Variants in ACSBG1 observed in about 807,000 individuals in gnomAD.
ACSBG1 encodes the protein long-chain-fatty-acid--CoA ligase ACSBG1.
In ACSBG1, 39 loss-of-function variants were observed where a neutral mutation model predicts 80.2. That is an observed-to-expected ratio of 0.49 (90% CI 0.38 to 0.64). ACSBG1 has a LOEUF of 0.64. ACSBG1 is among the 30% of genes least tolerant of loss of function. The pLI is 0.00. For synonymous variants in ACSBG1, 392 were observed against 379.5 expected, an observed-to-expected ratio of 1.03 and a Z score of -0.38; for missense variants, 828 against 966.4, an observed-to-expected ratio of 0.86 and a Z score of 1.90.
intron 1 of ACSBG1, among the ~76,000 whole-genome samples, chr15:78,214,083 C>T (rs1202119617): frequency 6.6e-6 from 1 of 152,218 alleles, no homozygotes; most frequent in South Asian, 2.1e-4. Context: ...CCCATTCCCA[C>T]AGGAGAGCCC....
chr15:78,193,412 T>C (rs2075075458), intron 5 of ACSBG1, 94 bp downstream of exon 5: 1 of 1,516,816 alleles, frequency 6.6e-7, no homozygotes, highest in African/African-American at 1.4e-5. Flanking sequence ...GAGGACACTC[T>C]GGATGGAGGG....
At chr15:78,226,626 T>C in intron 1 of ACSBG1, 1 of 220,356 alleles carries the variant, frequency 4.5e-6, no homozygotes, top group South Asian at 5.3e-5. Flanking sequence ...AAAAAAAACT[T>C]TTAAAAAGCT....
intron 1 of ACSBG1, among the ~76,000 whole-genome samples, chr15:78,208,408 T>C (rs2075236049): frequency 6.6e-6 from 1 of 151,902 alleles, no homozygotes; most frequent in Admixed American, 6.6e-5. Flanking sequence ...AGTTCATGCC[T>C]CTCTCGGGGT....
intron 1 of ACSBG1, among the ~76,000 whole-genome samples, chr15:78,211,294 A>G (rs1053980948): frequency 1.1e-4 from 17 of 152,266 alleles, no homozygotes; most frequent in African/African-American, 3.6e-4. Context: ...GAAGGCGATT[A>G]ACATATTATT....
At chr15:78,176,052 T>C (rs984596351) in intron 11 of ACSBG1, among the ~76,000 whole-genome samples, 1 of 142,044 alleles carries the variant, frequency 7.0e-6, no homozygotes, top group Non-Finnish European at 1.5e-5. Context: ...ACAGCAAACA[T>C]ACTTTTTTTA....
Position 78,172,715 on chromosome 15 carries a change from T to C in ACSBG1, c.2089+878A>G, listed in dbSNP as rs2074838153. ...CAATTGCATCTGGGTTCAGCCGTGA[T>C]GGATTTGAGGGAATCACACTGGCAT... On this transcript the variant is annotated intron_variant, in intron 13 of 13. Transcript: ENST00000258873. This position sits in a 1 kb window ranked among gnomAD's most constrained non-coding sequence, Gnocchi z 4.1. Among the ~76,000 whole-genome samples the C allele has an allele frequency of 6.6e-6, 1 of 152,250 alleles. No homozygotes were observed. Among genetic ancestry groups the C allele is most frequent in the African/African-American group, 2.4e-5 (1 of 41,466 alleles).
intron 1 of ACSBG1, among the ~76,000 whole-genome samples, chr15:78,208,482 C>A (rs903412348): frequency 6.6e-6 from 1 of 152,224 alleles, no homozygotes; most frequent in African/African-American, 2.4e-5. Context: ...GAATGCCACT[C>A]CTGGAGAGGG....
Position 78,174,475 on chromosome 15 carries a change from C to A in ACSBG1, c.1752G>T (p.Glu584Asp). 6.2e-7 allele frequency: 1 copy of A among 1,614,206 alleles called. No individual in the cohort carries two copies. Residue 584 changes from glutamate to aspartate, a missense_variant, in exon 12 of 14, where the codon GAG (glutamate) becomes GAT (aspartate). By Grantham distance (45) the Glu-to-Asp change is conservative. Around this residue, in one of 3 missense-constraint regions of ACSBG1, gnomAD observed 201 missense variants for 227.0 expected, o/e 0.89. Coordinates refer to ENST00000258873, the MANE Select transcript of ACSBG1 (RefSeq NM_015162.5). ...GGENVPPVPI[E>D]EAVKMELPII... ...TGGGCAGCTCCATCTTCACGGCCTCCTCGATGGGCACAGGGGGCACATTCT... is the reference window on the plus strand; with the variant it reads ...TGGGCAGCTCCATCTTCACGGCCTCATCGATGGGCACAGGGGGCACATTCT...
At position 78,178,304 on chromosome 15, in the gene ACSBG1, G is replaced by C. The variant is rs1218857815; in HGVS notation, c.1702+310C>G. The stretch of plus-strand genomic sequence containing the variant: ...TTGCCTTTTTTTGTTTGTTTGTTTT[G>C]GTTTTGTTTTTGGAGACAGAGTCTA... On this transcript the variant is annotated intron_variant, in intron 11 of 13. Transcript: ENST00000258873. The surrounding 1 kb of genome is among the most constrained non-coding windows in gnomAD (Gnocchi z 4.3). Among the ~76,000 whole-genome samples the C allele has an allele frequency of 6.6e-6, 1 of 151,978 alleles. No homozygotes were observed. Among genetic ancestry groups the C allele is most frequent in the African/African-American group, 2.4e-5 (1 of 41,386 alleles).
chr15:78,224,563 CAA>C (rs545888284), intron 1 of ACSBG1, among the ~76,000 whole-genome samples: 1 of 151,430 alleles, frequency 6.6e-6, no homozygotes, highest in Non-Finnish European at 1.5e-5. Flanking sequence ...ACTAAAAATA[CAA>C]AAAAAATTAG....
chr15:78,221,248 T>C (rs1057191017), intron 1 of ACSBG1, among the ~76,000 whole-genome samples: 17 of 151,928 alleles, frequency 1.1e-4, no homozygotes, highest in Non-Finnish European at 1.5e-5. Flanking sequence ...ATTTTCACTA[T>C]CTCGGTAAGG....
At chr15:78,198,824 G>C (rs1050299946) in intron 2 of ACSBG1, among the ~76,000 whole-genome samples, 3 of 152,226 alleles carry the variant, frequency 2.0e-5, no homozygotes, top group African/African-American at 7.2e-5. Context: ...GCAGGGGAGA[G>C]AGATCATCTT....
intron 1 of ACSBG1, among the ~76,000 whole-genome samples, chr15:78,217,594 CT>C (rs1293555674): frequency 6.8e-6 from 1 of 146,694 alleles, no homozygotes; most frequent in East Asian, 2.0e-4. Flanking sequence ...GAGATGGAGT[CT>C]TCACTCTGTC....
intron 1 of ACSBG1, among the ~76,000 whole-genome samples, chr15:78,223,284 T>C (rs1161793904): frequency 2.0e-5 from 1 of 49,688 alleles, no homozygotes; most frequent in African/African-American, 7.9e-5. Context: ...TGTTGGGGGG[T>C]GGGGTGGGGG....
chr15:78,223,862 T>C (rs1002364247), intron 1 of ACSBG1, among the ~76,000 whole-genome samples: 1 of 151,960 alleles, frequency 6.6e-6, no homozygotes, highest in Non-Finnish European at 1.5e-5. Context: ...CAGAGAGAGA[T>C]TTGACATGCA....
chr15:78,228,399 T>C lies in ACSBG1; in HGVS notation c.131+5972A>G, dbSNP rs773808707. ...AGAGTAGATTGATAATATGTGAATG[T>C]TGTAATACAGTGGGTTGGACTTAGT... is the stretch of plus-strand genomic sequence containing the variant. On this transcript the variant is annotated intron_variant, in intron 1 of 13. Transcript: ENST00000258873. Among the ~76,000 whole-genome samples, 3 of 152,160 alleles carry C rather than the reference T, an allele frequency of 2.0e-5. No homozygotes were observed. The South Asian group carries it at 6.2e-4, about 32-fold the overall frequency.
At chr15:78,209,447 C>T (rs1595897046) in intron 1 of ACSBG1, among the ~76,000 whole-genome samples, 1 of 152,136 alleles carries the variant, frequency 6.6e-6, no homozygotes, top group Admixed American at 6.5e-5. Flanking sequence ...GAAGAGATGG[C>T]AACGTGTGCT....
chr15:78,214,742 C>T (rs1203404063), intron 1 of ACSBG1, among the ~76,000 whole-genome samples: 2 of 152,130 alleles, frequency 1.3e-5, no homozygotes, highest in Admixed American at 6.5e-5. Flanking sequence ...CGCCCAGCCT[C>T]AGCCCTAATT....
Position 78,194,941 on chromosome 15 carries a change from G to C in ACSBG1, c.233-215C>G, listed in dbSNP as rs1019202493. Among the ~76,000 whole-genome samples, 3 of 152,248 alleles carry C rather than the reference G, an allele frequency of 2.0e-5. 1 individual carries two copies. The South Asian group carries it at 6.2e-4, about 31-fold the overall frequency. On this transcript the variant is annotated intron_variant, in intron 2 of 13. Transcript: ENST00000258873. Reference sequence around the variant, plus strand: ...AGCCTTGAAGGAAGAGCAAAGTTTAGGGATGCAGCAAGGAAGAGGAGAGGA... The same window carrying C: ...AGCCTTGAAGGAAGAGCAAAGTTTACGGATGCAGCAAGGAAGAGGAGAGGA...
Sources: gnomAD v4.1 joint callset for allele counts (sites outside exome capture counted in the v4.1 genomes callset) on GRCh38, gnomAD v4.1.1 for gene constraint, gnomAD v4.1.1 regional missense constraint, Gnocchi (gnomAD v3.1) non-coding constraint, MANE v1.5 for transcripts, NCBI Gene and HGNC (gene_info 2026-07-23, HGNC 2026-07-21) for gene names.